Variants in MEF2C observed in about 807,000 individuals in gnomAD.
The protein encoded by MEF2C is myocyte enhancer factor 2C.
In MEF2C, 6 loss-of-function variants were observed where a neutral mutation model predicts 50.5. The observed-to-expected ratio is 0.12, with a 90% CI of 0.07 to 0.23. The LOEUF is 0.23. Ranked by LOEUF, MEF2C falls within the 10% of genes least tolerant of loss-of-function variation. MEF2C has a pLI of 1.00. For missense variants in MEF2C, 276 were observed against 605.0 expected, an observed-to-expected ratio of 0.46 and a Z score of 5.70; for synonymous variants, 183 against 228.0, an observed-to-expected ratio of 0.80 and a Z score of 1.78.
At chr5:88,733,199 G>T in intron 6 of MEF2C, 5 of 985,314 alleles carry the variant, frequency 5.1e-6, no homozygotes, top group Non-Finnish European at 6.0e-6. Flanking sequence ...TTAAAGAAAG[G>T]CCATAGGAAG....
chr5:88,782,842 C>G (rs1366770668), intron 3 of MEF2C, among the ~76,000 whole-genome samples: 1 of 152,180 alleles, frequency 6.6e-6, no homozygotes, highest in African/African-American at 2.4e-5. Context: ...CTTTCTGATG[C>G]CAATTGTATC....
chr5:88,799,862 TCTCTCTCTCACA>T (rs1006162488), intron 3 of MEF2C, among the ~76,000 whole-genome samples: 1 of 120,474 alleles, frequency 8.3e-6, no homozygotes, highest in African/African-American at 3.2e-5. Context: ...TCTCTCTCTC[TCTCTCTCTCACA>T]CACACACACA....
At chr5:88,877,697 T>C (rs888098274) in intron 1 of MEF2C, among the ~76,000 whole-genome samples, 2 of 152,014 alleles carry the variant, frequency 1.3e-5, no homozygotes, top group Non-Finnish European at 2.9e-5. Context: ...AATAACATGG[T>C]TACTAAAAAA....
chr5:88,741,497 C>T, intron 6 of MEF2C: 1 of 985,280 alleles, frequency 1.0e-6, no homozygotes, highest in Non-Finnish European at 1.2e-6. Flanking sequence ...CCAAACTACT[C>T]CTTGGGCAAA....
At position 88,823,828 on chromosome 5, in the gene MEF2C, G is replaced by A. The variant is rs1342840177; in HGVS notation, c.-40C>T. 8 of 1,601,874 alleles carry A rather than the reference G, an allele frequency of 5.0e-6. No homozygotes were observed. The highest frequency in any genetic ancestry group is 6.8e-6 in the Non-Finnish European group (8 of 1,173,792). On this transcript the variant is annotated 5_prime_UTR_variant, in exon 2 of 11. Transcript: ENST00000504921. ...TTCTCTCTCTCGTCCCTGAAATTAT[G>A]TATTTTTTCCTTCCTTTTCTTTCTC...
intron 1 of MEF2C, among the ~76,000 whole-genome samples, chr5:88,828,384 A>G (rs571076497): frequency 2.0e-5 from 3 of 151,988 alleles, no homozygotes; most frequent in African/African-American, 7.2e-5. Flanking sequence ...TGTGATGTCA[A>G]TTTTCAAAAA....
Position 88,807,228 on chromosome 5 carries a change from T to C in MEF2C, c.55-2427A>G, listed in dbSNP as rs1410838429. ...GAAATTCACTTAACAACTTCTCTTT[T>C]GTTTGTTTGTTTTTTGAGACAGGGT... is the stretch of plus-strand genomic sequence containing the variant. On this transcript the variant is annotated intron_variant, in intron 2 of 10. Transcript: ENST00000504921. Among the ~76,000 whole-genome samples, 4 of 152,300 alleles carry C rather than the reference T, an allele frequency of 2.6e-5. No individual in the cohort carries two copies. The East Asian group carries it at 5.8e-4, about 22-fold the overall frequency.
intron 1 of MEF2C, among the ~76,000 whole-genome samples, chr5:88,903,478 TA>T (rs1302283149): frequency 6.6e-6 from 1 of 151,986 alleles, no homozygotes; most frequent in African/African-American, 2.4e-5. Context: ...GCACACATTT[TA>T]AAAAACCCAG....
At chr5:88,850,621 A>G (rs903249753) in intron 1 of MEF2C, among the ~76,000 whole-genome samples, 1 of 152,056 alleles carries the variant, frequency 6.6e-6, no homozygotes. Flanking sequence ...TTCAACATGG[A>G]GCAGTAATTG....
At chr5:88,796,059 T>C (rs1241137462) in intron 3 of MEF2C, among the ~76,000 whole-genome samples, 1 of 152,182 alleles carries the variant, frequency 6.6e-6, no homozygotes, top group African/African-American at 2.4e-5. Flanking sequence ...TATTGAGGAT[T>C]TTTGCATCGA....
rs534557052 is a variant in MEF2C, at chr5:88,779,269, C to T, written c.259-17941G>A. Reference sequence around the variant, plus strand: ...ATCACTGTTAAAAGATGAGGGGAAACAGTACCATTAAAAGGAAGCAAAACA... The same window carrying T: ...ATCACTGTTAAAAGATGAGGGGAAATAGTACCATTAAAAGGAAGCAAAACA... On this transcript the variant is annotated intron_variant, in intron 3 of 10. Transcript: ENST00000504921. Among the ~76,000 whole-genome samples the T allele has an allele frequency of 5.3e-5, 8 of 152,164 alleles. No individual in the cohort carries two copies. In the East Asian group the frequency reaches 1.2e-3, roughly 22 times the overall value.
upstream of MEF2C, among the ~76,000 whole-genome samples, chr5:88,886,495 C>T (rs989130539): frequency 5.3e-5 from 8 of 152,044 alleles, no homozygotes; most frequent in African/African-American, 1.4e-4. Flanking sequence ...GGCTTCAGTT[C>T]GCTTATGTGT....
chr5:88,890,681 ATTACT>A (rs972830717), intron 1 of MEF2C, among the ~76,000 whole-genome samples: 4 of 152,116 alleles, frequency 2.6e-5, no homozygotes, highest in Admixed American at 2.0e-4. Context: ...AAAGAAAGAA[ATTACT>A]TTATGACTGA....
intron 1 of MEF2C, among the ~76,000 whole-genome samples, chr5:88,878,514 C>A (rs1831805643): frequency 1.3e-5 from 2 of 152,070 alleles, no homozygotes; most frequent in Non-Finnish European, 2.9e-5. Context: ...CCACTAACTT[C>A]TACCTCATTA....
chr5:88,888,336 C>G (rs1834200552), intron 1 of MEF2C: 1 of 152,188 alleles, frequency 6.6e-6, no homozygotes, highest in Non-Finnish European at 1.5e-5. Flanking sequence ...ACACATCAGA[C>G]CAGGATGGTC....
Position 88,890,581 on chromosome 5 carries a change from C to T in MEF2C, c.-239-2983G>A, listed in dbSNP as rs372481649. ...GGCTAGTGGCTCCCTTACTGGACAG[C>T]GACATGTCAAACGTTTCCATCACTG... On this transcript the variant is annotated intron_variant, in intron 1 of 11. Transcript: ENST00000340208. 2.0e-4 allele frequency among the ~76,000 whole-genome samples: 30 copies of T among 152,244 alleles called. 1 individual carries two copies. The South Asian group carries it at 6.0e-3, about 31-fold the overall frequency.
chr5:88,734,553 T>C, intron 6 of MEF2C: 1 of 910,066 alleles, frequency 1.1e-6, no homozygotes, highest in Non-Finnish European at 1.3e-6. Context: ...ACGGAGGCCT[T>C]GAGAAAAGTT....
chr5:88,895,332 C>G (rs1454482998), intron 1 of MEF2C, among the ~76,000 whole-genome samples: 1 of 152,040 alleles, frequency 6.6e-6, no homozygotes, highest in Non-Finnish European at 1.5e-5. Context: ...TTATCCTTGT[C>G]AGTGTTCTAT....
At chr5:88,752,473 A>G (rs1773283532) in intron 4 of MEF2C, 1 of 424,150 alleles carries the variant, frequency 2.4e-6, no homozygotes. Context: ...ATATTTATGT[A>G]GAAGTTTAAT....
Sources: allele counts gnomAD v4.1 joint callset (sites outside exome capture counted in the v4.1 genomes callset), GRCh38; gene constraint gnomAD v4.1.1; transcripts MANE v1.5; gene names NCBI Gene and HGNC (gene_info 2026-07-23, HGNC 2026-07-21).